The following THADA variants were observed in gnomAD, a reference collection of about 807,000 sequenced individuals.
THADA encodes the protein THADA armadillo repeat containing.
Under a neutral mutation model 219.8 loss-of-function variants are expected in THADA, and 213 were observed. That is an observed-to-expected ratio of 0.97 (90% CI 0.87 to 1.09). The LOEUF (loss-of-function observed/expected upper bound fraction) is 1.09. Among genes scored for constraint, THADA ranks in the 50% least tolerant of loss-of-function variants. The probability of loss-of-function intolerance (pLI) is 0.00; values close to 1 mark genes in which losing one functional copy is unlikely to be tolerated. For synonymous variants in THADA, 1,018 were observed against 828.9 expected, an observed-to-expected ratio of 1.23 and a Z score of -3.92; for missense variants, 2,956 against 2,311.3, an observed-to-expected ratio of 1.28 and a Z score of -5.72.
At chr2:43,566,504 T>C (rs1698696297) in intron 15 of THADA, 194 bp downstream of exon 15, 2 of 742,080 alleles carry the variant, frequency 2.7e-6, no homozygotes, top group Non-Finnish European at 2.5e-6. Flanking sequence ...TAATGATCAA[T>C]GAAAAGGGAG....
At chr2:43,400,071 T>G (rs1031359695) in intron 28 of THADA, among the ~76,000 whole-genome samples, 1 of 152,204 alleles carries the variant, frequency 6.6e-6, no homozygotes, top group Non-Finnish European at 1.5e-5. Flanking sequence ...ATGTTTCTTT[T>G]CAAATACAAA....
intron 29 of THADA, among the ~76,000 whole-genome samples, chr2:43,396,082 T>A (rs1443879736): frequency 6.6e-6 from 1 of 152,202 alleles, no homozygotes; most frequent in Non-Finnish European, 1.5e-5. Flanking sequence ...TCTAACTGAA[T>A]ATTGATAGAC....
chr2:43,347,985 G>T (rs1246719874), intron 29 of THADA, among the ~76,000 whole-genome samples: 1 of 152,210 alleles, frequency 6.6e-6, no homozygotes, highest in Non-Finnish European at 1.5e-5. Flanking sequence ...CAGTGTGGAG[G>T]TCATAGCAGA....
At chr2:43,529,083 T>C (rs993515170) in intron 21 of THADA, among the ~76,000 whole-genome samples, 1 of 152,110 alleles carries the variant, frequency 6.6e-6, no homozygotes, top group Non-Finnish European at 1.5e-5. Context: ...TTTGCCAGAA[T>C]GTCACCCAGT....
At chr2:43,432,046 C>A (rs563500575) in intron 26 of THADA, among the ~76,000 whole-genome samples, 1 of 124,054 alleles carries the variant, frequency 8.1e-6, no homozygotes, top group East Asian at 2.0e-4. Flanking sequence ...TTAGTAGAGA[C>A]GGGGTTTCAC....
chr2:43,478,581 T>C (rs1309037254), intron 26 of THADA, among the ~76,000 whole-genome samples: 1 of 152,174 alleles, frequency 6.6e-6, no homozygotes, highest in African/African-American at 2.4e-5. Context: ...GAAAAAATAT[T>C]TACTCATGCT....
intron 29 of THADA, among the ~76,000 whole-genome samples, chr2:43,381,768 G>A (rs1008031912): frequency 4.6e-5 from 7 of 151,884 alleles, no homozygotes; most frequent in South Asian, 2.1e-4. Flanking sequence ...TAGTGGAGAC[G>A]GGGTTTCACC....
At chr2:43,438,194 C>T (rs917245106) in intron 26 of THADA, among the ~76,000 whole-genome samples, 11 of 144,878 alleles carry the variant, frequency 7.6e-5, no homozygotes, top group Admixed American at 1.4e-4. Context: ...CCCAGCTACT[C>T]GGGAGGCTGA....
At chr2:43,587,075 A>G in intron 4 of THADA, 73 bp from the exon 5 acceptor site, 1 of 1,451,002 alleles carries the variant, frequency 6.9e-7, no homozygotes, top group Non-Finnish European at 9.4e-7. Flanking sequence ...GAAGAGAATC[A>G]TACAAATGTG....
Position 43,508,679 on chromosome 2 carries a change from C to T in THADA, c.3476G>A (p.Arg1159Lys). ...SDPSSKLCAT[R>K]RSAGIPFYIQ... Reference sequence around the variant, plus strand: ...GTAGAAAGGAATTCCAGCACTGCGCCTTGTAGCACAGAGTTTAGATGAAGG... The same window carrying T: ...GTAGAAAGGAATTCCAGCACTGCGCTTTGTAGCACAGAGTTTAGATGAAGG... The change falls in exon 23 of 38, where the codon AGG becomes AAG. Residue 1159 changes from arginine (R) to lysine (K), a missense_variant. Coordinates refer to ENST00000405975, the MANE Select transcript of THADA (RefSeq NM_022065.5). The T allele has an allele frequency of 6.2e-7, 1 of 1,613,642 alleles. No individual in the cohort carries two copies.
chr2:43,579,603 T>C (rs1166914729), intron 8 of THADA, among the ~76,000 whole-genome samples: 2 of 152,226 alleles, frequency 1.3e-5, no homozygotes, highest in South Asian at 2.1e-4. Flanking sequence ...AAAAGCAGGA[T>C]ACTTGCTTCT....
chr2:43,238,246 C>T (rs1207615004), intron 36 of THADA, among the ~76,000 whole-genome samples: 1 of 138,762 alleles, frequency 7.2e-6, no homozygotes, highest in East Asian at 2.2e-4. Context: ...TTCAAAGTAA[C>T]ATCAAAAAGA....
At chr2:43,540,892 T>TA (rs1180098646) in intron 21 of THADA, among the ~76,000 whole-genome samples, 3 of 152,100 alleles carry the variant, frequency 2.0e-5, no homozygotes, top group African/African-American at 7.2e-5. Flanking sequence ...AATGGAGAAA[T>TA]AAAAATTAGA....
At chr2:43,555,463 A>G (rs1399545344) in intron 17 of THADA, among the ~76,000 whole-genome samples, 1 of 151,976 alleles carries the variant, frequency 6.6e-6, no homozygotes, top group African/African-American at 2.4e-5. Flanking sequence ...GAAATATCTC[A>G]TAAAGTCCTA....
intron 31 of THADA, among the ~76,000 whole-genome samples, chr2:43,318,294 A>G (rs951680889): frequency 6.6e-6 from 1 of 151,824 alleles, no homozygotes; most frequent in Non-Finnish European, 1.5e-5. Flanking sequence ...TCCTGCCTCA[A>G]CCTCCTAAAG....
intron 36 of THADA, among the ~76,000 whole-genome samples, chr2:43,257,687 T>A (rs1670484546): frequency 1.3e-5 from 2 of 152,238 alleles, no homozygotes; most frequent in South Asian, 4.1e-4. Context: ...TAAGGCCACC[T>A]ATCAATAAAA....
intron 31 of THADA, among the ~76,000 whole-genome samples, chr2:43,304,874 G>C (rs1676677079): frequency 1.3e-5 from 2 of 152,124 alleles, no homozygotes; most frequent in African/African-American, 4.8e-5. Flanking sequence ...GTTTTGCCAT[G>C]TTGGCCAGGC....
intron 24 of THADA, among the ~76,000 whole-genome samples, chr2:43,504,281 T>C (rs938486594): frequency 6.6e-6 from 1 of 152,174 alleles, no homozygotes; most frequent in African/African-American, 2.4e-5. Flanking sequence ...AGACATTTCA[T>C]ATCTATGGGT....
At chr2:43,327,148 T>C (rs139130173) in intron 30 of THADA, among the ~76,000 whole-genome samples, 14 of 152,008 alleles carry the variant, frequency 9.2e-5, no homozygotes, top group South Asian at 6.2e-4. Context: ...TCTAGAGGCA[T>C]TGGAGGGGTT....
Sources: allele counts gnomAD v4.1 joint callset (sites outside exome capture counted in the v4.1 genomes callset), GRCh38; gene constraint gnomAD v4.1.1; transcripts MANE v1.5; gene names NCBI Gene and HGNC (gene_info 2026-07-23, HGNC 2026-07-21).